Variants in PPP2R5E observed in about 807,000 individuals in gnomAD.
PPP2R5E encodes serine/threonine-protein phosphatase 2A 56 kDa regulatory subunit epsilon isoform.
Under a neutral mutation model 65.3 loss-of-function variants are expected in PPP2R5E, and 4 were observed. The observed-to-expected ratio is 0.06, with a 90% CI of 0.03 to 0.14. The LOEUF is 0.14. Ranked by LOEUF, PPP2R5E falls within the 10% of genes least tolerant of loss-of-function variation. PPP2R5E has a pLI of 1.00. For synonymous variants in PPP2R5E, 183 were observed against 187.4 expected, an observed-to-expected ratio of 0.98 and a Z score of 0.19; for missense variants, 274 against 556.1, an observed-to-expected ratio of 0.49 and a Z score of 5.10.
chr14:63,409,467 C>T lies in PPP2R5E; in HGVS notation c.549+5673G>A, dbSNP rs545798843. ...AGAAAAATAATACATTCTATCAATG[C>T]GGGCAGATAACATATGAGGGGGTTG... On this transcript the variant is annotated intron_variant, in intron 5 of 13. Transcript: ENST00000337537. 2.6e-5 allele frequency among the ~76,000 whole-genome samples: 4 copies of T among 152,164 alleles called. No individual in the cohort carries two copies. The South Asian group carries it at 8.3e-4, about 32-fold the overall frequency.
chr14:63,456,710 T>C (rs8009163), intron 2 of PPP2R5E, among the ~76,000 whole-genome samples: 6,632 of 152,230 alleles, frequency 0.044, 373 homozygotes, highest in African/African-American at 0.13. Flanking sequence ...GCCTGGACCC[T>C]TCACCACTGT....
At chr14:63,401,154 C>G (rs1249677660) in intron 5 of PPP2R5E, among the ~76,000 whole-genome samples, 1 of 152,156 alleles carries the variant, frequency 6.6e-6, no homozygotes. Context: ...TTTTCTGCTT[C>G]TCTGTAGAGA....
chr14:63,467,571 A>T (rs2139541669), intron 2 of PPP2R5E, among the ~76,000 whole-genome samples: 1 of 152,336 alleles, frequency 6.6e-6, no homozygotes, highest in East Asian at 1.9e-4. Context: ...ATAAGAGTTG[A>T]CCTTAATAAG....
At chr14:63,459,486 A>T (rs1889333587) in intron 2 of PPP2R5E, among the ~76,000 whole-genome samples, 1 of 152,244 alleles carries the variant, frequency 6.6e-6, no homozygotes, top group Non-Finnish European at 1.5e-5. Flanking sequence ...ATGTCCTATG[A>T]ACTGGAGCCA....
intron 3 of PPP2R5E, among the ~76,000 whole-genome samples, chr14:63,441,802 C>T (rs1380368927): frequency 1.3e-5 from 2 of 151,160 alleles, no homozygotes; most frequent in Admixed American, 6.6e-5. Context: ...CCCAGCTACT[C>T]GGGAGGCTGA....
intron 5 of PPP2R5E, among the ~76,000 whole-genome samples, chr14:63,397,705 GTAT>G (rs1190861164): frequency 6.6e-6 from 1 of 150,688 alleles, no homozygotes; most frequent in East Asian, 1.9e-4. Context: ...TATTTCTGTT[GTAT>G]GTTATATGTG....
At chr14:63,436,760 G>C (rs183441222) in intron 3 of PPP2R5E, among the ~76,000 whole-genome samples, 9 of 152,226 alleles carry the variant, frequency 5.9e-5, no homozygotes, top group Non-Finnish European at 1.2e-4. Context: ...GAAGGATCTA[G>C]GGGCAGGAAC....
At chr14:63,376,621 C>A (rs7342572) in intron 13 of PPP2R5E, among the ~76,000 whole-genome samples, 26,269 of 152,090 alleles carry the variant, frequency 0.17, 3,389 homozygotes, top group East Asian at 0.48. Context: ...GATTTTCAGA[C>A]TTTGAGATTT....
intron 2 of PPP2R5E, among the ~76,000 whole-genome samples, chr14:63,515,503 G>A (rs534507711): frequency 1.6e-4 from 24 of 151,042 alleles, no homozygotes; most frequent in African/African-American, 5.8e-4. Flanking sequence ...TACACATAAT[G>A]TTGTTTTTGT....
chr14:63,415,023 A>G, intron 5 of PPP2R5E, 117 bp downstream of exon 5: 2 of 575,388 alleles, frequency 3.5e-6, no homozygotes, highest in East Asian at 3.3e-5. Context: ...ATATATATAT[A>G]TATATTTTGT....
At chr14:63,450,134 C>T (rs1284670250) in intron 3 of PPP2R5E, among the ~76,000 whole-genome samples, 1 of 152,186 alleles carries the variant, frequency 6.6e-6, no homozygotes, top group African/African-American at 2.4e-5. Context: ...CCTCAGCCTC[C>T]CAAAGTGCTA....
At chr14:63,478,012 T>C (rs1373482011) in intron 2 of PPP2R5E, among the ~76,000 whole-genome samples, 1 of 152,168 alleles carries the variant, frequency 6.6e-6, no homozygotes, top group Non-Finnish European at 1.5e-5. Flanking sequence ...TGAGGCTGCT[T>C]TTCTACTTCA....
intron 2 of PPP2R5E, among the ~76,000 whole-genome samples, chr14:63,473,436 A>G (rs750158317): frequency 7.9e-5 from 12 of 152,210 alleles, no homozygotes; most frequent in Non-Finnish European, 1.6e-4. Context: ...AAACTCAACA[A>G]TGAGGCAGAA....
At chr14:63,440,065 C>T (rs1014867460) in intron 3 of PPP2R5E, among the ~76,000 whole-genome samples, 5 of 152,184 alleles carry the variant, frequency 3.3e-5, no homozygotes, top group East Asian at 1.9e-4. Context: ...GGTATCGCCA[C>T]GCCAATGTTA....
chr14:63,407,030 G>C (rs1344306548), intron 5 of PPP2R5E, among the ~76,000 whole-genome samples: 3 of 152,204 alleles, frequency 2.0e-5, no homozygotes, highest in African/African-American at 4.8e-5. Context: ...GACACCACCA[G>C]CATAACGTTT....
At chr14:63,426,305 T>C (rs994487330) in intron 3 of PPP2R5E, among the ~76,000 whole-genome samples, 1 of 151,934 alleles carries the variant, frequency 6.6e-6, no homozygotes, top group South Asian at 2.1e-4. Context: ...TGCAACATTC[T>C]CCAAAAAATG....
chr14:63,448,255 C>T (rs1242369039), intron 3 of PPP2R5E, among the ~76,000 whole-genome samples: 1 of 151,886 alleles, frequency 6.6e-6, no homozygotes, highest in African/African-American at 2.4e-5. Context: ...CGAGACAGAG[C>T]CACTGCACTC....
chr14:63,376,157 T>G, intron 13 of PPP2R5E, 49 bp from the exon 14 acceptor site: 1 of 1,272,422 alleles, frequency 7.9e-7, no homozygotes, highest in African/African-American at 1.5e-5. Context: ...TTAATGAGAT[T>G]ATGCAACAAT....
chr14:63,399,360 T>A (rs1351282971), intron 5 of PPP2R5E, among the ~76,000 whole-genome samples: 1 of 136,582 alleles, frequency 7.3e-6, no homozygotes, highest in African/African-American at 2.9e-5. Flanking sequence ...AGGTCTGGAT[T>A]TCTTTCTTTT....
Sources: allele counts gnomAD v4.1 joint callset (sites outside exome capture counted in the v4.1 genomes callset), GRCh38; gene constraint gnomAD v4.1.1; transcripts MANE v1.5; gene names NCBI Gene and HGNC (gene_info 2026-07-23, HGNC 2026-07-21).